The following KCP variants were observed in gnomAD, a reference collection of about 807,000 sequenced individuals.
The protein encoded by KCP is kielin cysteine rich BMP regulator.
Under a neutral mutation model 212.7 loss-of-function variants are expected in KCP, and 194 were observed. The observed-to-expected ratio is 0.91, with a 90% CI of 0.81 to 1.03. The LOEUF is 1.03. KCP is among the 50% of genes least tolerant of loss of function. The probability of loss-of-function intolerance (pLI) is 0.00; values close to 1 mark genes in which losing one functional copy is unlikely to be tolerated. For missense variants in KCP, 2,080 were observed against 2,162.5 expected (o/e 0.96, Z 0.76); for synonymous variants, 833 against 865.3 (o/e 0.96, Z 0.65).
In KCP at chr7:128,904,142, G is replaced by A. The variant is rs1188114333; in HGVS notation, c.572-4C>T. 1 of 1,551,670 alleles carries A rather than the reference G, an allele frequency of 6.4e-7. No homozygotes were observed. Among genetic ancestry groups the A allele is most frequent in the Admixed American group, 2.0e-5 (1 of 51,006 alleles). ...AGCTGCCCCTCATAATCACAGCCTG[G>A]GAAGGTTGGCAGGATGACAAGTGGG... On this transcript the variant is annotated splice_polypyrimidine_tract_variant and splice_region_variant and intron_variant, in intron 5 of 39. Transcript: ENST00000610776.
At chr7:128,908,251 GAAGAAAGAAAGA>G (rs370653893) in intron 2 of KCP, among the ~76,000 whole-genome samples, 163 bp downstream of exon 2, 3,161 of 101,250 alleles carry the variant, frequency 0.031, 111 homozygotes, top group Non-Finnish European at 0.041. Context: ...AAGAAAGAAA[GAAGAAAGAAAGA>G]AAGAAAGAAA....
Position 128,891,489 on chromosome 7 carries a change from G to A in KCP, c.1840C>T (p.Pro614Ser), listed in dbSNP as rs924862322. 59 of 1,550,140 alleles carry A rather than the reference G, an allele frequency of 3.8e-5. No homozygotes were observed. Among genetic ancestry groups the A allele is most frequent in the African/African-American group, 5.5e-5 (4 of 72,998 alleles). ...GKEYPSGADF[P>S]HPSDPCRLCR... ...AGACGGCAGGGGTCAGAGGGGTGGG[G>A]GAAGTCCGCTCCGCTGGGGTACTCT... Residue 614 changes from proline (P) to serine (S), a missense_variant, in exon 18 of 40, where the codon CCC becomes TCC. By Grantham distance (74) the Pro-to-Ser change is moderately conservative (BLOSUM62 -1). Coordinates refer to ENST00000610776, the MANE Select transcript of KCP (RefSeq NM_001366122.1).
intron 8 of KCP, among the ~76,000 whole-genome samples, chr7:128,895,145 T>C (rs772209549): frequency 6.6e-6 from 1 of 152,168 alleles, no homozygotes; most frequent in Non-Finnish European, 1.5e-5. Flanking sequence ...ATATTTACAT[T>C]GTTCAAGACA....
intron 8 of KCP, among the ~76,000 whole-genome samples, chr7:128,896,953 G>A (rs1365984192): frequency 1.4e-5 from 2 of 147,636 alleles, no homozygotes; most frequent in South Asian, 2.2e-4. Context: ...CCAAACTTTT[G>A]AGCAATAGGT....
At position 128,880,669 on chromosome 7, in the gene KCP, T is replaced by G; in HGVS notation, c.3566A>C (p.His1189Pro). Residue 1189 changes from histidine to proline, a missense_variant, in exon 33 of 40, where the codon CAT (histidine) becomes CCT (proline). Coordinates refer to ENST00000610776, the MANE Select transcript of KCP (RefSeq NM_001366122.1). ...LEECQALSCP[H>P]GWAKVPQADS... ...AGCCTGGGGCACCTTCGCCCAGCCA[T>G]GGGGGCAGGAGAGGGCCTGGCACTC... The G allele has an allele frequency of 1.5e-6, 1 of 658,758 alleles. No homozygotes were observed. The highest frequency in any genetic ancestry group is 2.3e-6 in the Non-Finnish European group (1 of 435,278). The allele number at this position is 658,758 out of a possible 1,614,324, so 40.8% of individuals were successfully genotyped here.
intron 5 of KCP, 147 bp from the exon 6 acceptor site, chr7:128,904,285 G>T: frequency 6.4e-7 from 1 of 1,552,812 alleles, no homozygotes. Flanking sequence ...GGAGGTCACC[G>T]GGCCGGCAGA....
chr7:128,886,946 C>CT lies in KCP; in HGVS notation c.2618dup (p.Lys874GlufsTer39). 1 of 1,528,650 alleles carries CT rather than the reference C, an allele frequency of 6.5e-7. No individual in the cohort carries two copies. Among genetic ancestry groups the CT allele is most frequent in the Non-Finnish European group, 8.8e-7 (1 of 1,131,014 alleles). The allele number at this position is 1,528,650 out of a possible 1,614,324, so 94.7% of individuals were successfully genotyped here. A position where few individuals can be genotyped will look rare whatever the true frequency, so the allele number is the denominator to read the frequency against. On this transcript the variant is annotated frameshift_variant, in exon 24 of 40. Coordinates refer to ENST00000610776, the MANE Select transcript of KCP (RefSeq NM_001366122.1). LOFTEE classifies it high-confidence loss of function. Reference sequence around the variant, plus strand: ...AGAGAGCTGGGGGACATGGCTTCTTCTGGCAGCGCATGGAACCTTCCTGGG... The same window carrying CT: ...AGAGAGCTGGGGGACATGGCTTCTTCTTGGCAGCGCATGGAACCTTCCTGGG...
chr7:128,884,007 C>T lies in KCP; in HGVS notation c.3239G>A (p.Cys1080Tyr). Residue 1080 changes from cysteine to tyrosine, a missense_variant, in exon 29 of 40, where the codon TGT (cysteine) becomes TAT (tyrosine). Physicochemically the swap from Cys to Tyr is radical, Grantham distance 194 (BLOSUM62 -2). Coordinates refer to ENST00000610776, the MANE Select transcript of KCP (RefSeq NM_001366122.1). ...PPGPQHCCPT[C>Y]AEALSNCSEG... The stretch of plus-strand genomic sequence containing the variant: ...CCCCACATCCCTGGACTCACCGGCA[C>T]AGGTGGGACAGCAGTGCTGGGGCCC... 2 of 1,548,790 alleles carry T rather than the reference C, an allele frequency of 1.3e-6. No homozygotes were observed. The highest frequency in any genetic ancestry group is 1.2e-5 in the South Asian group (1 of 83,940).
rs1345220342 is a variant in KCP, at chr7:128,888,559, TACAC to T, written c.2512+300_2512+303del. ...ATACACACATACAGCAACACATACA[TACAC>T]ACACATATACACACGGCCACACACA... On this transcript the variant is annotated intron_variant, in intron 22 of 39. Coordinates refer to ENST00000610776, the MANE Select transcript of KCP (RefSeq NM_001366122.1). Among the ~76,000 whole-genome samples, 5 of 104,778 alleles carry T rather than the reference TACAC, an allele frequency of 4.8e-5. No homozygotes were observed. In the South Asian group the frequency reaches 1.2e-3, roughly 25 times the overall value. The allele number at this position is 104,778 out of a possible 152,430, so 68.7% of individuals were successfully genotyped here.
intron 26 of KCP, 22 bp from the exon 27 acceptor site, chr7:128,885,292 G>C: frequency 6.6e-7 from 1 of 1,525,820 alleles, no homozygotes; most frequent in East Asian, 2.5e-5. Context: ...AGTGGGCAGG[G>C]ACGAGCTCGG....
chr7:128,891,583 G>A (rs550013675), intron 17 of KCP, 50 bp from the exon 18 acceptor site: 26 of 1,528,008 alleles, frequency 1.7e-5, no homozygotes, highest in Non-Finnish European at 2.0e-5. Flanking sequence ...GCCCCAGGGC[G>A]TGCTGCCTTC....
Position 128,910,671 on chromosome 7 carries a change from G to A in KCP, c.6C>T (p.Ala2=), listed in dbSNP as rs1216712705. 6 of 1,504,324 alleles carry A rather than the reference G, an allele frequency of 4.0e-6. No individual in the cohort carries two copies. The highest frequency in any genetic ancestry group is 2.7e-5 in the East Asian group (1 of 36,980). 93.2% of individuals were successfully genotyped at this position (1,504,324 alleles called of 1,614,324 possible). ...GGGACAGCGCAGCGGCCCCGACCCC[G>A]GCCATGCTAGCTCCGCCTCGCTCGG... M[A]GVGAAALSLL... is the part of the protein sequence containing the mutation. Residue 2 remains alanine, a synonymous_variant, in exon 1 of 40, where the codon GCC becomes GCT. Transcript: ENST00000610776.
chr7:128,880,593 C>T (rs1286736516), intron 33 of KCP, 26 bp downstream of exon 33: 20 of 1,318,370 alleles, frequency 1.5e-5, no homozygotes, highest in Non-Finnish European at 1.9e-5. Flanking sequence ...CTGGCTTACC[C>T]CTCCCCCATC....
At chr7:128,908,669 C>T in intron 1 of KCP, 101 bp from the exon 2 acceptor site, 1 of 1,275,968 alleles carries the variant, frequency 7.8e-7, no homozygotes, top group Non-Finnish European at 1.1e-6. Context: ...GGGGGTCATC[C>T]TGTGCACCCT....
intron 8 of KCP, among the ~76,000 whole-genome samples, chr7:128,901,843 T>C (rs1051753290): frequency 1.3e-5 from 2 of 152,114 alleles, no homozygotes; most frequent in African/African-American, 4.8e-5. Context: ...CCTCCTCAGG[T>C]GCCCCCACCT....
Position 128,877,219 on chromosome 7 carries a change from C to A in KCP, c.4711G>T (p.Glu1571Ter), listed in dbSNP as rs536851576. 2.7e-6 allele frequency: 4 copies of A among 1,477,968 alleles called. No homozygotes were observed. The highest frequency in any genetic ancestry group is 3.6e-6 in the Non-Finnish European group (4 of 1,114,692). The allele number at this position is 1,477,968 out of a possible 1,614,324, so 91.6% of individuals were successfully genotyped here. ...TCFNQHIPLG[E>*]LAAHCVRPCV... ...GGCCTCACGCAGTGGGCTGCCAGCT[C>A]CCCCAGGGGGATATGCTGATTGAAG... The change falls in exon 40 of 40, where the codon GAG becomes TAG. Residue 1571 changes from glutamate (E) to a stop codon, truncating the protein, a stop_gained. Coordinates refer to ENST00000610776, the MANE Select transcript of KCP (RefSeq NM_001366122.1). LOFTEE classifies it high-confidence loss of function.
chr7:128,887,386 C>A (rs1229589394), intron 22 of KCP, 86 bp from the exon 23 acceptor site: 9 of 1,004,412 alleles, frequency 9.0e-6, no homozygotes, highest in Non-Finnish European at 1.2e-5. Flanking sequence ...CCCCTCCACA[C>A]ATACACAGCC....
chr7:128,884,730 C>T (rs1793537064), intron 28 of KCP, 51 bp downstream of exon 28: 7 of 1,508,436 alleles, frequency 4.6e-6, no homozygotes, highest in African/African-American at 1.4e-5. Context: ...CCCATGCTGC[C>T]CACTCCCCCC....
intron 8 of KCP, among the ~76,000 whole-genome samples, chr7:128,897,231 G>A (rs1306984614): frequency 1.3e-5 from 2 of 152,186 alleles, no homozygotes; most frequent in Non-Finnish European, 2.9e-5. Flanking sequence ...ACACCTGTAA[G>A]CCTGCTTTGC....
Sources: allele counts gnomAD v4.1 joint callset (sites outside exome capture counted in the v4.1 genomes callset), GRCh38; gene constraint gnomAD v4.1.1; transcripts MANE v1.5; gene names NCBI Gene and HGNC (gene_info 2026-07-23, HGNC 2026-07-21).